Variants in CSF1R observed in about 807,000 individuals in gnomAD.
The protein encoded by CSF1R is macrophage colony-stimulating factor 1 receptor.
Under a neutral mutation model 110.0 loss-of-function variants are expected in CSF1R, and 40 were observed. The ratio of observed to expected loss-of-function variants is 0.36; its 90% CI spans 0.28 to 0.47. The LOEUF (loss-of-function observed/expected upper bound fraction) is 0.47, where lower values mean the gene tolerates loss of function less well. Ranked by LOEUF, CSF1R falls within the 20% of genes least tolerant of loss-of-function variation. CSF1R has a pLI of 0.99. For missense variants in CSF1R, 1,052 were observed against 1,253.0 expected, an observed-to-expected ratio of 0.84 and a Z score of 2.42; for synonymous variants, 523 against 503.4, an observed-to-expected ratio of 1.04 and a Z score of -0.52.
At chr5:150,055,964 A>C in intron 18 of CSF1R, 62 bp downstream of exon 18, 6 of 1,486,028 alleles carry the variant, frequency 4.0e-6, no homozygotes, top group Non-Finnish European at 5.6e-6. Context: ...AGCTTTGTCC[A>C]CCAGTGGGGC....
At chr5:150,110,239 C>T (rs4705109) in intron 1 of CSF1R, among the ~76,000 whole-genome samples, 74,376 of 151,970 alleles carry the variant, frequency 0.49, 18,777 homozygotes, top group East Asian at 0.85. Context: ...TTAGACTATG[C>T]GGTCCAACCC....
intron 10 of CSF1R, among the ~76,000 whole-genome samples, chr5:150,065,137 C>T (rs1290838751): frequency 6.6e-6 from 1 of 152,218 alleles, no homozygotes; most frequent in East Asian, 1.9e-4. Flanking sequence ...CACCCCCTGA[C>T]TTCTTCCCTT....
rs1270135119 is a variant in CSF1R, at chr5:150,056,057, A to G, written c.2523T>C (p.Tyr841=). 25 of 1,614,128 alleles carry G rather than the reference A, an allele frequency of 1.5e-5. No individual in the cohort carries two copies. Among genetic ancestry groups the G allele is most frequent in the Non-Finnish European group, 2.1e-5 (25 of 1,180,054 alleles). The change falls in exon 18 of 21, where the codon TAT becomes TAC. Residue 841 remains tyrosine, a synonymous_variant. Transcript: ENST00000675795. ...AGAAGATCTCCCAGAGGAGGATGCCATAGGACCAGACGTCGCTCTGAACCG... is the reference window on the plus strand; with the variant it reads ...AGAAGATCTCCCAGAGGAGGATGCCGTAGGACCAGACGTCGCTCTGAACCG... ...VYTVQSDVWS[Y]GILLWEIFSL... is the part of the protein sequence containing the mutation.
intron 19 of CSF1R, 71 bp from the exon 20 acceptor site, chr5:150,054,501 G>C (rs949072243): frequency 1.2e-4 from 152 of 1,310,932 alleles, no homozygotes; most frequent in Non-Finnish European, 1.5e-4. Flanking sequence ...CACACCCCTA[G>C]AGAGACCTAC....
In CSF1R at chr5:150,096,244, G is replaced by A. The variant is rs867919998; in HGVS notation, c.-180-9637C>T. Among the ~76,000 whole-genome samples the A allele has an allele frequency of 3.3e-5, 5 of 152,228 alleles. No homozygotes were observed. In the South Asian group the frequency reaches 1.0e-3, roughly 32 times the overall value. On this transcript the variant is annotated intron_variant, in intron 1 of 21. Coordinates refer to the CSF1R transcript ENST00000286301. ...ATCTCTACTAAAAATACAAAAATTA[G>A]CCAAGCATGGTGGCAGGCACCTGTA... is the stretch of plus-strand genomic sequence containing the variant.
At position 150,083,349 on chromosome 5, in the gene CSF1R, AACACACACACACAC is replaced by A. The variant is rs59055324; in HGVS notation, c.50-2339_50-2326del. ...GCCCCAATCTCTACTCTTCTCTCCC[AACACACACACACAC>A]ACACACACACACACACACACACACA... On this transcript the variant is annotated intron_variant, in intron 1 of 20. Transcript: ENST00000675795. Among the ~76,000 whole-genome samples the A allele has an allele frequency of 4.7e-3, 502 of 106,388 alleles. 4 individuals carry two copies. The highest frequency in any genetic ancestry group is 0.016 in the African/African-American group (429 of 26,992). The allele number at this position is 106,388 out of a possible 152,430, so 69.8% of individuals were successfully genotyped here.
At chr5:150,065,764 A>G (rs1581299102) in intron 10 of CSF1R, among the ~76,000 whole-genome samples, 1 of 152,196 alleles carries the variant, frequency 6.6e-6, no homozygotes, top group African/African-American at 2.4e-5. Flanking sequence ...GCAGCCTTGC[A>G]TGGGCTCCAG....
intron 1 of CSF1R, among the ~76,000 whole-genome samples, chr5:150,084,396 A>AAAGAAAGAAAGAAAGAAAGAAGG (rs1561945948): frequency 2.3e-5 from 1 of 44,080 alleles, no homozygotes; most frequent in African/African-American, 1.4e-4. Context: ...AGAAAGAAGG[A>AAAGAAAGAAAGAAAGAAAGAAGG]AGGAAGGAAG....
At chr5:150,102,746 C>T (rs988286655) in intron 1 of CSF1R, among the ~76,000 whole-genome samples, 4 of 152,256 alleles carry the variant, frequency 2.6e-5, no homozygotes, top group Non-Finnish European at 5.9e-5. Flanking sequence ...TCCCAAAGTG[C>T]TGGGATTATA....
intron 13 of CSF1R, among the ~76,000 whole-genome samples, chr5:150,060,142 A>G (rs908304336): frequency 6.6e-6 from 1 of 152,036 alleles, no homozygotes; most frequent in African/African-American, 2.4e-5. Context: ...CCTGGCTAAC[A>G]TGGTGAAACC....
chr5:150,110,834 C>T (rs1472507273), intron 1 of CSF1R, among the ~76,000 whole-genome samples: 1 of 151,690 alleles, frequency 6.6e-6, no homozygotes, highest in Non-Finnish European at 1.5e-5. Context: ...CAAAGAAGAC[C>T]TTCTCTTTCT....
chr5:150,099,743 G>T (rs556997795), intron 1 of CSF1R, among the ~76,000 whole-genome samples: 4 of 151,830 alleles, frequency 2.6e-5, no homozygotes, highest in African/African-American at 4.8e-5. Context: ...GAACCGGCAG[G>T]GGGGTGGGGG....
intron 18 of CSF1R, 41 bp downstream of exon 18, chr5:150,055,985 G>A (rs2113777812): frequency 1.3e-6 from 2 of 1,584,986 alleles, no homozygotes; most frequent in Non-Finnish European, 1.7e-6. Context: ...AACCAGAGGA[G>A]CCAGCCCCAG....
intron 12 of CSF1R, 71 bp from the exon 13 acceptor site, chr5:150,061,043 G>A: frequency 9.0e-7 from 1 of 1,106,368 alleles, no homozygotes; most frequent in South Asian, 1.4e-5. Flanking sequence ...GATACATGGG[G>A]ACCAAATGCA....
intron 1 of CSF1R, among the ~76,000 whole-genome samples, chr5:150,095,503 A>G (rs1300638986): frequency 6.6e-6 from 1 of 152,222 alleles, no homozygotes; most frequent in Non-Finnish European, 1.5e-5. Flanking sequence ...TGGAAATTAA[A>G]CACACTTATA....
At chr5:150,057,423 T>A in intron 15 of CSF1R, 39 bp from the exon 16 acceptor site, 3 of 1,611,182 alleles carry the variant, frequency 1.9e-6, no homozygotes, top group Non-Finnish European at 2.5e-6. Context: ...CCTGCCACAC[T>A]CCCCACCCCT....
At chr5:150,059,986 G>T (rs1323101217) in intron 13 of CSF1R, 124 bp from the exon 14 acceptor site, 1 of 1,104,378 alleles carries the variant, frequency 9.1e-7, no homozygotes, top group Non-Finnish European at 1.3e-6. Flanking sequence ...TCTAACCTCG[G>T]CTCTGTGAGC....
chr5:150,106,843 T>A (rs1759573178), intron 1 of CSF1R, among the ~76,000 whole-genome samples: 1 of 152,220 alleles, frequency 6.6e-6, no homozygotes, highest in African/African-American at 2.4e-5. Context: ...TAAGCCTCCC[T>A]TTGCCTGACT....
At chr5:150,080,430 GATCA>G (rs1758483582) in intron 2 of CSF1R, 94 bp from the exon 3 acceptor site, 1 of 1,476,164 alleles carries the variant, frequency 6.8e-7, no homozygotes, top group African/African-American at 1.4e-5. Context: ...CAGAGAGGCT[GATCA>G]TTCATCTGAG....
Sources: allele counts gnomAD v4.1 joint callset (sites outside exome capture counted in the v4.1 genomes callset), GRCh38; gene constraint gnomAD v4.1.1; transcripts MANE v1.5; gene names NCBI Gene and HGNC (gene_info 2026-07-23, HGNC 2026-07-21).